Variants in DISC1 observed in about 807,000 individuals in gnomAD.
DISC1 encodes the protein DISC1 scaffold protein, also known as disrupted in schizophrenia 1 protein.
Under a neutral mutation model 84.5 loss-of-function variants are expected in DISC1, and 57 were observed. The observed-to-expected ratio is 0.67, with a 90% CI of 0.55 to 0.84. The LOEUF is 0.84. Among genes scored for constraint, DISC1 ranks in the 40% least tolerant of loss-of-function variants. DISC1 has a pLI of 0.00. For missense variants in DISC1, 1,000 were observed against 1,057.8 expected, an observed-to-expected ratio of 0.95 and a Z score of 0.76; for synonymous variants, 411 against 415.2, an observed-to-expected ratio of 0.99 and a Z score of 0.12.
rs192715799 is a variant in DISC1 at position 231,627,217 on chromosome 1, G to A, written c.67+283G>A. 3.6e-3 allele frequency among the ~76,000 whole-genome samples: 544 copies of A among 152,278 alleles called. 4 individuals carry two copies. The highest frequency in any genetic ancestry group is 0.013 in the African/African-American group (525 of 41,566). ...TTGCGAAACTGTAGGAGTCTGACCCGCGCCCCCGCTGCGTGTCCAGGTGAC... is the reference window on the plus strand; with the variant it reads ...TTGCGAAACTGTAGGAGTCTGACCCACGCCCCCGCTGCGTGTCCAGGTGAC... On this transcript the variant is annotated intron_variant, in intron 1 of 12. Transcript: ENST00000439617.
intron 10 of DISC1, among the ~76,000 whole-genome samples, chr1:231,974,189 G>C (rs141382075): frequency 6.6e-6 from 1 of 152,138 alleles, no homozygotes. Context: ...GTGCGGGTGC[G>C]GGGCTGGCCT....
At chr1:231,768,962 G>A (rs2076360687) in intron 5 of DISC1, among the ~76,000 whole-genome samples, 1 of 152,172 alleles carries the variant, frequency 6.6e-6, no homozygotes, top group African/African-American at 2.4e-5. Context: ...TAGAGTGGGA[G>A]TGGGCCTCCT....
chr1:231,953,531 A>G (rs1246729982), intron 9 of DISC1, among the ~76,000 whole-genome samples: 1 of 152,222 alleles, frequency 6.6e-6, no homozygotes, highest in Non-Finnish European at 1.5e-5. Context: ...ACTCGAAGAC[A>G]GCATAATACC....
intron 9 of DISC1, among the ~76,000 whole-genome samples, chr1:231,885,498 G>A (rs2086617510): frequency 6.6e-6 from 1 of 152,212 alleles, no homozygotes. Context: ...ATATATTCAA[G>A]CCCGATGTAG....
At chr1:231,716,592 A>G (rs2068762886) in intron 3 of DISC1, among the ~76,000 whole-genome samples, 1 of 152,132 alleles carries the variant, frequency 6.6e-6, no homozygotes, top group Admixed American at 6.5e-5. Context: ...GTGGAAGGAA[A>G]AAAAATGGAA....
intron 1 of DISC1, among the ~76,000 whole-genome samples, chr1:231,651,674 G>T (rs1220294180): frequency 6.6e-6 from 1 of 152,264 alleles, no homozygotes; most frequent in Non-Finnish European, 1.5e-5. Context: ...CTTTTGTTCA[G>T]CTATGCCCTG....
chr1:232,021,985 A>G (rs2103030951), intron 11 of DISC1, among the ~76,000 whole-genome samples: 1 of 152,242 alleles, frequency 6.6e-6, no homozygotes, highest in African/African-American at 2.4e-5. Flanking sequence ...TCCTCACAAC[A>G]TGGAGACTGG....
At chr1:231,972,991 G>A (rs1662225283) in intron 10 of DISC1, among the ~76,000 whole-genome samples, 1 of 151,450 alleles carries the variant, frequency 6.6e-6, no homozygotes, top group Non-Finnish European at 1.5e-5. Context: ...ATGGATTCCA[G>A]TCAATTGTAA....
intron 1 of DISC1, among the ~76,000 whole-genome samples, chr1:231,631,513 C>T (rs565697363): frequency 1.2e-4 from 19 of 152,158 alleles, no homozygotes; most frequent in Non-Finnish European, 2.2e-4. Context: ...TCCAACGGGA[C>T]AAGGTGTGGA....
intron 8 of DISC1, among the ~76,000 whole-genome samples, chr1:231,804,833 C>T (rs1195624314): frequency 6.6e-6 from 1 of 152,114 alleles, no homozygotes; most frequent in Non-Finnish European, 1.5e-5. Context: ...AGGATAAGAG[C>T]ATTTTAGGGA....
intron 1 of DISC1, among the ~76,000 whole-genome samples, chr1:231,650,691 A>G (rs191864044): frequency 1.3e-5 from 2 of 152,300 alleles, no homozygotes; most frequent in African/African-American, 4.8e-5. Context: ...CGTCACTTTC[A>G]GGTACACCAG....
intron 1 of DISC1, among the ~76,000 whole-genome samples, chr1:231,638,022 A>C (rs928735112): frequency 6.6e-6 from 1 of 151,986 alleles, no homozygotes; most frequent in African/African-American, 2.4e-5. Flanking sequence ...TTATTTTTTG[A>C]CTTTTTAATA....
intron 9 of DISC1, among the ~76,000 whole-genome samples, chr1:231,829,720 C>T (rs2082096832): frequency 6.6e-6 from 1 of 152,050 alleles, no homozygotes; most frequent in Non-Finnish European, 1.5e-5. Context: ...GTGTGAGCAA[C>T]GAGGCTGTTT....
intron 10 of DISC1, among the ~76,000 whole-genome samples, chr1:231,994,842 T>C (rs202192381): frequency 6.6e-6 from 1 of 152,176 alleles, no homozygotes. Context: ...ATTGCCTTAA[T>C]CTCATCACCT....
At chr1:231,935,452 G>A (rs2090925998) in intron 9 of DISC1, among the ~76,000 whole-genome samples, 1 of 152,160 alleles carries the variant, frequency 6.6e-6, no homozygotes. Flanking sequence ...TCTTACAAAT[G>A]TACATATTGT....
intron 10 of DISC1, among the ~76,000 whole-genome samples, chr1:231,963,253 A>AT (rs5781681): frequency 6.5e-4 from 97 of 148,430 alleles, no homozygotes; most frequent in Middle Eastern, 6.9e-3. Context: ...ATGCCATTGC[A>AT]TTTTTTTTTT....
At chr1:231,862,744 T>G (rs2084759602) in intron 9 of DISC1, among the ~76,000 whole-genome samples, 4 of 152,204 alleles carry the variant, frequency 2.6e-5, no homozygotes, top group Admixed American at 2.6e-4. Context: ...GAAAGACATT[T>G]AGTTTGGTAA....
intron 5 of DISC1, among the ~76,000 whole-genome samples, chr1:231,767,632 A>T (rs952948841): frequency 1.3e-5 from 2 of 152,204 alleles, no homozygotes; most frequent in Non-Finnish European, 2.9e-5. Context: ...AAATGCAGCC[A>T]AGTGGGTCTT....
intron 1 of DISC1, among the ~76,000 whole-genome samples, chr1:231,668,169 A>G (rs2125431059): frequency 6.6e-6 from 1 of 152,260 alleles, no homozygotes; most frequent in African/African-American, 2.4e-5. Context: ...CAATCATTAA[A>G]CATGTCCCTC....
Sources: allele counts gnomAD v4.1 joint callset (sites outside exome capture counted in the v4.1 genomes callset), GRCh38; gene constraint gnomAD v4.1.1; transcripts MANE v1.5; gene names NCBI Gene and HGNC (gene_info 2026-07-23, HGNC 2026-07-21).